Variants in ELP3 observed in about 807,000 individuals in gnomAD.
ELP3 encodes the protein elongator acetyltransferase complex subunit 3, also known as elongator complex protein 3.
In ELP3, 56 loss-of-function variants were observed where a neutral mutation model predicts 74.9. The ratio of observed to expected loss-of-function variants is 0.75; its 90% CI spans 0.60 to 0.93. The LOEUF (loss-of-function observed/expected upper bound fraction) is 0.93, where lower values mean the gene tolerates loss of function less well. Among genes scored for constraint, ELP3 ranks in the 40% least tolerant of loss-of-function variants. The pLI is 0.00. For missense variants in ELP3, 573 were observed against 686.5 expected, an observed-to-expected ratio of 0.83 and a Z score of 1.85; for synonymous variants, 222 against 239.8, an observed-to-expected ratio of 0.93 and a Z score of 0.68.
chr8:28,164,612 G>A (rs993909401), intron 14 of ELP3, among the ~76,000 whole-genome samples: 3 of 152,024 alleles, frequency 2.0e-5, no homozygotes, highest in Admixed American at 6.6e-5. Context: ...GGGAAACTAC[G>A]TACGCCTGGA....
At chr8:28,131,776 A>G (rs144969967) in intron 8 of ELP3, among the ~76,000 whole-genome samples, 73 of 152,322 alleles carry the variant, frequency 4.8e-4, no homozygotes, top group Non-Finnish European at 7.1e-4. Flanking sequence ...CAAACCCACC[A>G]GTGAAATCTA....
At chr8:28,094,832 G>A (rs1811193225) in intron 1 of ELP3, among the ~76,000 whole-genome samples, 1 of 152,192 alleles carries the variant, frequency 6.6e-6, no homozygotes, top group South Asian at 2.1e-4. Context: ...CTTAGATTTT[G>A]TGGGTTTTTT....
In ELP3 at chr8:28,189,990, A is replaced by G. The variant is rs1243701367; in HGVS notation, c.*265A>G. ...CATCTATCCAGTTTCTACATTTTGC[A>G]TGAGGCCTGCAGGTGGCCTATTTTG... On this transcript the variant is annotated 3_prime_UTR_variant, in exon 15 of 15. Transcript: ENST00000256398. 1 of 368,222 alleles carries G rather than the reference A, an allele frequency of 2.7e-6. No homozygotes were observed. The highest frequency in any genetic ancestry group is 2.1e-5 in the African/African-American group (1 of 48,200). The allele number at this position is 368,222 out of a possible 1,614,324, so 22.8% of individuals were successfully genotyped here.
chr8:28,151,640 C>T (rs1371595527), intron 10 of ELP3, among the ~76,000 whole-genome samples: 3 of 152,150 alleles, frequency 2.0e-5, no homozygotes, highest in Non-Finnish European at 2.9e-5. Flanking sequence ...AGCCTATGCC[C>T]CTGGACTGTG....
chr8:28,177,935 A>G (rs4732835), intron 14 of ELP3, among the ~76,000 whole-genome samples: 152,086 of 152,352 alleles, frequency 1, 75,911 homozygotes, highest in Non-Finnish European at 1. Context: ...TTCATTCTTT[A>G]TCCAGTTGGA....
rs77867991 is a variant in ELP3 at position 28,126,792 on chromosome 8, A to G, written c.618-2710A>G. ...CATATTTGCATATTAAAGAACAGTTATGTTGATATATTTACATCTCTGTTA... is the reference window on the plus strand; with the variant it reads ...CATATTTGCATATTAAAGAACAGTTGTGTTGATATATTTACATCTCTGTTA... On this transcript the variant is annotated intron_variant, in intron 7 of 14. Coordinates refer to ENST00000256398, the MANE Select transcript of ELP3 (RefSeq NM_018091.6). Among the ~76,000 whole-genome samples, 1,175 of 152,334 alleles carry G rather than the reference A, an allele frequency of 7.7e-3. 21 individuals carry two copies. The highest frequency in any genetic ancestry group is 0.026 in the African/African-American group (1,091 of 41,580).
At chr8:28,188,523 C>G (rs1815330769) in intron 14 of ELP3, among the ~76,000 whole-genome samples, 1 of 152,164 alleles carries the variant, frequency 6.6e-6, no homozygotes, top group African/African-American at 2.4e-5. Context: ...ATCATACCTA[C>G]ACAATGAAAC....
intron 12 of ELP3, 55 bp from the exon 13 acceptor site, chr8:28,160,174 A>C: frequency 6.7e-7 from 1 of 1,499,830 alleles, no homozygotes; most frequent in East Asian, 2.4e-5. Context: ...AATTACAAAA[A>C]TGAATTTGGT....
At chr8:28,143,389 T>C (rs532456678) in intron 10 of ELP3, among the ~76,000 whole-genome samples, 93 of 152,350 alleles carry the variant, frequency 6.1e-4, no homozygotes, top group African/African-American at 2.2e-3. Context: ...CAAAATAATG[T>C]TTTCTCTGTA....
chr8:28,104,919 A>G (rs1214686286), intron 3 of ELP3, among the ~76,000 whole-genome samples: 1 of 152,208 alleles, frequency 6.6e-6, no homozygotes, highest in Non-Finnish European at 1.5e-5. Flanking sequence ...TATTTGTGTG[A>G]AGGAATTAAT....
intron 11 of ELP3, among the ~76,000 whole-genome samples, chr8:28,156,674 T>C (rs1813841445): frequency 6.6e-6 from 1 of 152,212 alleles, no homozygotes; most frequent in South Asian, 2.1e-4. Context: ...TCCTGGGCTC[T>C]GCCTTCATAG....
intron 14 of ELP3, among the ~76,000 whole-genome samples, chr8:28,184,498 A>G (rs1048174463): frequency 1.3e-5 from 2 of 152,168 alleles, no homozygotes; most frequent in African/African-American, 2.4e-5. Context: ...CGTGGGAATC[A>G]TGATGAGAAA....
chr8:28,154,531 C>T (rs561943220), intron 10 of ELP3, among the ~76,000 whole-genome samples: 2 of 151,924 alleles, frequency 1.3e-5, no homozygotes, highest in East Asian at 1.9e-4. Context: ...TGATGTATAG[C>T]CACATATTTA....
chr8:28,128,798 C>T (rs1812682845), intron 7 of ELP3, among the ~76,000 whole-genome samples: 1 of 152,216 alleles, frequency 6.6e-6, no homozygotes, highest in Admixed American at 6.5e-5. Flanking sequence ...CGCCTCACTT[C>T]ACTAGCCCTG....
chr8:28,097,269 A>C lies in ELP3; in HGVS notation c.70A>C (p.Lys24Gln). The C allele has an allele frequency of 6.2e-7, 1 of 1,614,066 alleles. No homozygotes were observed. The highest frequency in any genetic ancestry group is 8.5e-7 in the Non-Finnish European group (1 of 1,179,976). ...LMMLTIGDVI[K>Q]QLIEAHEQGK... ...GATGCTGACTATAGGAGATGTTATT[A>C]AACAACTGATTGAAGCCCACGAGCA... The change falls in exon 2 of 15, where the codon AAA becomes CAA. Residue 24 changes from lysine (K) to glutamine (Q), a missense_variant. Coordinates refer to ENST00000256398, the MANE Select transcript of ELP3 (RefSeq NM_018091.6).
At chr8:28,155,855 C>CT in intron 10 of ELP3, 87 bp from the exon 11 acceptor site, 1 of 1,130,544 alleles carries the variant, frequency 8.8e-7, no homozygotes, top group Non-Finnish European at 1.3e-6. Flanking sequence ...TATTTTTGTT[C>CT]TTTTTAACTT....
At chr8:28,108,305 T>C (rs761977067) in intron 5 of ELP3, among the ~76,000 whole-genome samples, 1 of 152,194 alleles carries the variant, frequency 6.6e-6, no homozygotes, top group Non-Finnish European at 1.5e-5. Flanking sequence ...AACTAGGGCA[T>C]AGCAGGCTTA....
intron 14 of ELP3, among the ~76,000 whole-genome samples, chr8:28,186,161 G>A (rs374011178): frequency 6.6e-6 from 1 of 152,072 alleles, no homozygotes; most frequent in Admixed American, 6.5e-5. Flanking sequence ...TAGAACGGGG[G>A]TTGTCAGGGG....
At chr8:28,129,699 C>T in intron 8 of ELP3, 36 bp downstream of exon 8, 1 of 1,611,012 alleles carries the variant, frequency 6.2e-7, no homozygotes, top group Non-Finnish European at 8.5e-7. Context: ...ACAAGTCTTC[C>T]TCCAAGTTCA....
Sources: allele counts gnomAD v4.1 joint callset (sites outside exome capture counted in the v4.1 genomes callset), GRCh38; gene constraint gnomAD v4.1.1; transcripts MANE v1.5; gene names NCBI Gene and HGNC (gene_info 2026-07-23, HGNC 2026-07-21).